Variants in PUS7 observed in about 807,000 individuals in gnomAD.
The protein encoded by PUS7 is pseudouridylate synthase 7 homolog.
PUS7 carries 48 observed loss-of-function variants against 79.8 expected under a neutral mutation model. The ratio of observed to expected loss-of-function variants is 0.60; its 90% CI spans 0.48 to 0.76. PUS7 has a LOEUF of 0.76. Ranked by LOEUF, PUS7 falls within the 30% of genes least tolerant of loss-of-function variation. The pLI, the probability that PUS7 is intolerant of heterozygous loss-of-function variation, is 0.00. For synonymous variants in PUS7, 286 were observed against 272.2 expected, an observed-to-expected ratio of 1.05 and a Z score of -0.50; for missense variants, 729 against 797.6, an observed-to-expected ratio of 0.91 and a Z score of 1.04.
intron 1 of PUS7, among the ~76,000 whole-genome samples, chr7:105,521,193 T>C (rs1283550397): frequency 6.7e-6 from 1 of 149,022 alleles, no homozygotes. Flanking sequence ...CCCAGGCCAA[T>C]GGGGCATAGT....
At chr7:105,494,848 C>T (rs367945514) in intron 6 of PUS7, among the ~76,000 whole-genome samples, 22 of 151,580 alleles carry the variant, frequency 1.5e-4, no homozygotes, top group African/African-American at 4.6e-4. Flanking sequence ...TTGTGGCATA[C>T]GCCTGTAATC....
At chr7:105,505,917 A>G in intron 4 of PUS7, 38 bp downstream of exon 4, 1 of 1,515,862 alleles carries the variant, frequency 6.6e-7, no homozygotes, top group Non-Finnish European at 9.1e-7. Context: ...AGCAACTAAA[A>G]CCCTAAATAA....
chr7:105,491,195 T>C (rs1359180570), intron 7 of PUS7, among the ~76,000 whole-genome samples: 1 of 152,216 alleles, frequency 6.6e-6, no homozygotes, highest in Non-Finnish European at 1.5e-5. Context: ...TAATTATAAT[T>C]GCTTCAAAAA....
intron 9 of PUS7, among the ~76,000 whole-genome samples, chr7:105,475,196 T>C (rs1824038694): frequency 6.6e-6 from 1 of 152,138 alleles, no homozygotes; most frequent in Admixed American, 6.5e-5. Flanking sequence ...TTTTGTACTT[T>C]TTTTTTTGAG....
intron 12 of PUS7, among the ~76,000 whole-genome samples, chr7:105,467,531 T>C (rs546586525): frequency 5.8e-4 from 88 of 151,906 alleles, no homozygotes; most frequent in Middle Eastern, 3.4e-3. Context: ...CCTCGTGATC[T>C]GCCCGCCTTG....
intron 6 of PUS7, among the ~76,000 whole-genome samples, chr7:105,493,858 A>G (rs1824897638): frequency 6.6e-6 from 1 of 152,214 alleles, no homozygotes; most frequent in Non-Finnish European, 1.5e-5. Flanking sequence ...AGCATATGAA[A>G]AGTAATTTCT....
intron 6 of PUS7, 46 bp downstream of exon 6, chr7:105,495,096 G>T: frequency 8.9e-7 from 1 of 1,129,328 alleles, no homozygotes; most frequent in Non-Finnish European, 1.3e-6. Flanking sequence ...AGGAATATAC[G>T]TTTCTGTTGC....
At chr7:105,500,801 T>G (rs1198956569) in intron 5 of PUS7, among the ~76,000 whole-genome samples, 1 of 152,226 alleles carries the variant, frequency 6.6e-6, no homozygotes, top group African/African-American at 2.4e-5. Flanking sequence ...CACTTTCCAC[T>G]GGGCTTACTC....
chr7:105,496,144 G>A (rs1266450225), intron 5 of PUS7, among the ~76,000 whole-genome samples: 2 of 147,546 alleles, frequency 1.4e-5, no homozygotes, highest in Non-Finnish European at 3.0e-5. Context: ...GGCAACAAGA[G>A]CGAGACTCCG....
At chr7:105,514,878 G>A (rs922530653) in intron 1 of PUS7, among the ~76,000 whole-genome samples, 8 of 150,532 alleles carry the variant, frequency 5.3e-5, no homozygotes, top group African/African-American at 1.2e-4. Flanking sequence ...TGCAAGCTCC[G>A]CCTCCTGGGC....
intron 13 of PUS7, among the ~76,000 whole-genome samples, chr7:105,463,375 C>T (rs1823512076): frequency 6.6e-6 from 1 of 152,196 alleles, no homozygotes; most frequent in South Asian, 2.1e-4. Context: ...CTGTCTTCTT[C>T]CACATATAGT....
intron 7 of PUS7, among the ~76,000 whole-genome samples, chr7:105,483,571 T>C (rs1396308954): frequency 6.6e-6 from 1 of 152,150 alleles, no homozygotes; most frequent in Non-Finnish European, 1.5e-5. Flanking sequence ...AGTGCTGCGA[T>C]TACAGGCGTG....
At chr7:105,475,432 C>A (rs1035847896) in intron 9 of PUS7, among the ~76,000 whole-genome samples, 2 of 151,080 alleles carry the variant, frequency 1.3e-5, no homozygotes, top group Non-Finnish European at 2.9e-5. Flanking sequence ...TGATCTGCCC[C>A]CCTTGGCCTC....
At chr7:105,520,525 A>AATAAATAC (rs1397825265) in intron 1 of PUS7, among the ~76,000 whole-genome samples, 16 of 9,180 alleles carry the variant, frequency 1.7e-3, no homozygotes, top group Admixed American at 5.2e-3. Flanking sequence ...TCTCAAAATA[A>AATAAATAC]ATAAATAAAT....
At chr7:105,496,159 A>C (rs1459255682) in intron 5 of PUS7, among the ~76,000 whole-genome samples, 2 of 141,382 alleles carry the variant, frequency 1.4e-5, no homozygotes, top group Non-Finnish European at 3.1e-5. Context: ...ACTCCGTCTC[A>C]AAAAAAAAAA....
At chr7:105,514,796 A>ATTTTTT (rs1461495782) in intron 1 of PUS7, among the ~76,000 whole-genome samples, 1 of 145,656 alleles carries the variant, frequency 6.9e-6, no homozygotes. Flanking sequence ...ATTCTCTCTC[A>ATTTTTT]TTTTTTTTTT....
intron 1 of PUS7, among the ~76,000 whole-genome samples, chr7:105,519,612 C>T (rs75116202): frequency 0.14 from 20,897 of 152,192 alleles, 1,866 homozygotes; most frequent in South Asian, 0.26. Context: ...CAAATATTTA[C>T]TGAGCAAGTG....
intron 8 of PUS7, among the ~76,000 whole-genome samples, chr7:105,481,634 T>C (rs1238765876): frequency 6.6e-6 from 1 of 152,200 alleles, no homozygotes; most frequent in African/African-American, 2.4e-5. Flanking sequence ...AACTTTCCAT[T>C]ACCCCTACCC....
intron 1 of PUS7, among the ~76,000 whole-genome samples, chr7:105,518,575 T>C (rs1036385965): frequency 2.0e-4 from 31 of 152,006 alleles, no homozygotes; most frequent in African/African-American, 7.5e-4. Flanking sequence ...TTAATTTTTG[T>C]ATTTTTTGTA....
Sources: gnomAD v4.1 joint callset for allele counts (sites outside exome capture counted in the v4.1 genomes callset) on GRCh38, gnomAD v4.1.1 for gene constraint, MANE v1.5 for transcripts, NCBI Gene and HGNC (gene_info 2026-07-23, HGNC 2026-07-21) for gene names.